Variants in FRAS1 observed in about 807,000 individuals in gnomAD.
FRAS1 encodes the protein extracellular matrix organizing protein FRAS1.
In FRAS1, 290 loss-of-function variants were observed where a neutral mutation model predicts 435.2. The observed-to-expected ratio is 0.67, with a 90% confidence interval of 0.61 to 0.73. FRAS1 has a LOEUF of 0.73. FRAS1 is among the 30% of genes least tolerant of loss of function. The probability of loss-of-function intolerance (pLI) is 0.00; values close to 1 mark genes in which losing one functional copy is unlikely to be tolerated. For missense variants in FRAS1, 4,860 were observed against 5,001.5 expected (o/e 0.97, Z 0.85); for synonymous variants, 1,800 against 1,851.0 (o/e 0.97, Z 0.71).
chr4:78,064,624 GAA>G (rs541666325), intron 1 of FRAS1, among the ~76,000 whole-genome samples: 19 of 150,956 alleles, frequency 1.3e-4, no homozygotes, highest in African/African-American at 3.9e-4. Flanking sequence ...AAAAAAAAAA[GAA>G]TATCAGGGAC....
chr4:78,357,347 T>A (rs1008481422), intron 20 of FRAS1, among the ~76,000 whole-genome samples: 1 of 152,216 alleles, frequency 6.6e-6, no homozygotes, highest in African/African-American at 2.4e-5. Context: ...CAGCACACTG[T>A]GTCCCCATGA....
At chr4:78,083,629 T>TG (rs1311869301) in intron 2 of FRAS1, among the ~76,000 whole-genome samples, 1 of 149,284 alleles carries the variant, frequency 6.7e-6, no homozygotes, top group South Asian at 2.1e-4. Flanking sequence ...AAGTTCTGTT[T>TG]TTTTTTTTTT....
chr4:78,218,135 A>ACACACACAC (rs1399097051), intron 2 of FRAS1, among the ~76,000 whole-genome samples: 2 of 60,164 alleles, frequency 3.3e-5, no homozygotes, highest in Non-Finnish European at 7.5e-5. Flanking sequence ...CACACACACA[A>ACACACACAC]GTTGTATTTA....
intron 67 of FRAS1, 126 bp downstream of exon 67, chr4:78,519,607 C>A: frequency 1.8e-6 from 2 of 1,095,864 alleles, no homozygotes; most frequent in Non-Finnish European, 2.6e-6. Flanking sequence ...CAAAGTGGGG[C>A]CACCTCAAAG....
intron 41 of FRAS1, 128 bp from the exon 42 acceptor site, chr4:78,445,394 C>T (rs1578328922): frequency 2.4e-6 from 3 of 1,259,568 alleles, no homozygotes; most frequent in East Asian, 2.7e-5. Flanking sequence ...GCTTATCCCA[C>T]TCTCCCAACT....
chr4:78,413,416 T>C (rs1578308345), intron 32 of FRAS1, among the ~76,000 whole-genome samples: 1 of 152,202 alleles, frequency 6.6e-6, no homozygotes, highest in Non-Finnish European at 1.5e-5. Context: ...TTGGGTATCA[T>C]TGGTCCCCCA....
intron 2 of FRAS1, among the ~76,000 whole-genome samples, chr4:78,113,191 T>C (rs1366771399): frequency 1.3e-5 from 2 of 152,196 alleles, no homozygotes; most frequent in African/African-American, 2.4e-5. Context: ...TATTCCATGG[T>C]ATATATATTC....
intron 18 of FRAS1, among the ~76,000 whole-genome samples, chr4:78,325,847 T>C (rs1424162548): frequency 6.6e-6 from 1 of 152,172 alleles, no homozygotes. Flanking sequence ...TTTCTATGAT[T>C]AAGCCTTTGA....
intron 1 of FRAS1, 38 bp downstream of exon 1, chr4:78,058,123 T>TGC: frequency 2.6e-6 from 4 of 1,520,714 alleles, no homozygotes; most frequent in Non-Finnish European, 3.6e-6. Context: ...TGTGTGTGCG[T>TGC]GTGCGTGTGT....
intron 59 of FRAS1, among the ~76,000 whole-genome samples, chr4:78,489,970 A>AAAAAAC (rs1720294746): frequency 7.3e-6 from 1 of 136,456 alleles, no homozygotes; most frequent in Non-Finnish European, 1.5e-5. Flanking sequence ...GTGGAAAACA[A>AAAAAAC]AAAAAAAAAA....
At chr4:78,442,271 T>G (rs918869837) in intron 41 of FRAS1, among the ~76,000 whole-genome samples, 1 of 152,250 alleles carries the variant, frequency 6.6e-6, no homozygotes, top group Admixed American at 6.5e-5. Context: ...ATAAAGTGGA[T>G]GTAAGGATAA....
At chr4:78,427,768 G>A (rs750542620) in intron 35 of FRAS1, among the ~76,000 whole-genome samples, 1 of 152,236 alleles carries the variant, frequency 6.6e-6, no homozygotes, top group Non-Finnish European at 1.5e-5. Flanking sequence ...GACATGGAGT[G>A]TACCTTATAA....
chr4:78,249,046 C>CATATATA (rs1725388139), intron 4 of FRAS1, among the ~76,000 whole-genome samples: 1 of 27,174 alleles, frequency 3.7e-5, no homozygotes, highest in Non-Finnish European at 9.6e-5. Flanking sequence ...TGAAGAACTA[C>CATATATA]TGATATATAT....
chr4:78,423,671 C>T (rs929198871), intron 34 of FRAS1, among the ~76,000 whole-genome samples: 2 of 152,106 alleles, frequency 1.3e-5, no homozygotes, highest in Non-Finnish European at 2.9e-5. Context: ...GCCCAGAAAA[C>T]AGTTAACTCC....
intron 70 of FRAS1, among the ~76,000 whole-genome samples, chr4:78,527,396 T>G (rs1357853926): frequency 6.6e-6 from 1 of 152,156 alleles, no homozygotes; most frequent in Non-Finnish European, 1.5e-5. Flanking sequence ...GGCATTGAGG[T>G]GATAGCACTA....
intron 2 of FRAS1, chr4:78,071,338 T>C (rs1483888393): frequency 6.6e-6 from 1 of 152,182 alleles, no homozygotes; most frequent in African/African-American, 2.4e-5. Flanking sequence ...ACTGAGAACA[T>C]ACTTGTGAAA....
At position 78,393,023 on chromosome 4, in the gene FRAS1, TA is replaced by T. The variant is rs1294591927; in HGVS notation, c.3975+5330del. Among the ~76,000 whole-genome samples the T allele has an allele frequency of 3.0e-3, 417 of 140,768 alleles. 1 individual carries two copies. The highest frequency in any genetic ancestry group is 1.9e-3 in the African/African-American group (68 of 36,232). The allele number at this position is 140,768 out of a possible 152,430, so 92.3% of individuals were successfully genotyped here. A position where few individuals can be genotyped will look rare whatever the true frequency, so the allele number is the denominator to read the frequency against. ...ATGCTTCTTCCTTTTTTTTTTTTTT[TA>T]AAAAAAACCCTACTTTATTGAGGAA... On this transcript the variant is annotated intron_variant, in intron 29 of 73. Coordinates refer to ENST00000512123, the MANE Select transcript of FRAS1 (RefSeq NM_025074.7).
At chr4:78,373,107 A>G (rs1319468214) in intron 24 of FRAS1, among the ~76,000 whole-genome samples, 1 of 152,130 alleles carries the variant, frequency 6.6e-6, no homozygotes. Flanking sequence ...ACAAACAGGT[A>G]TGTGTTAGCT....
intron 2 of FRAS1, among the ~76,000 whole-genome samples, chr4:78,097,956 A>G (rs1208081312): frequency 7.3e-6 from 1 of 137,462 alleles, no homozygotes; most frequent in African/African-American, 3.4e-5. Flanking sequence ...CAAGCCAAAG[A>G]AAGAGGTCCT....
Sources: allele counts gnomAD v4.1 joint callset (sites outside exome capture counted in the v4.1 genomes callset), GRCh38; gene constraint gnomAD v4.1.1; transcripts MANE v1.5; gene names NCBI Gene and HGNC (gene_info 2026-07-23, HGNC 2026-07-21).